UTRN: variants seen among roughly 807,000 people sequenced by gnomAD.
UTRN encodes dystrophin-related protein 1.
UTRN carries 283 observed loss-of-function variants against 463.9 expected under a neutral mutation model. The observed-to-expected ratio is 0.61, with a 90% confidence interval of 0.55 to 0.67. The LOEUF is 0.67. UTRN is among the 30% of genes least tolerant of loss of function. The pLI is 0.00. For missense variants in UTRN, 3,922 were observed against 4,084.3 expected, an observed-to-expected ratio of 0.96 and a Z score of 1.08; for synonymous variants, 1,442 against 1,431.5, an observed-to-expected ratio of 1.01 and a Z score of -0.17.
At chr6:144,613,874 G>A (rs558757515) in intron 51 of UTRN, among the ~76,000 whole-genome samples, 12 of 151,890 alleles carry the variant, frequency 7.9e-5, no homozygotes, top group South Asian at 2.1e-4. Context: ...ATATATACAC[G>A]CATTAAAATG....
At chr6:144,815,206 G>A (rs1004910003) in intron 65 of UTRN, among the ~76,000 whole-genome samples, 8 of 152,124 alleles carry the variant, frequency 5.3e-5, no homozygotes, top group Non-Finnish European at 8.8e-5. Flanking sequence ...AAAATAATAG[G>A]AAACCATTTC....
intron 53 of UTRN, among the ~76,000 whole-genome samples, chr6:144,709,493 C>T (rs1379709891): frequency 6.6e-6 from 1 of 152,128 alleles, no homozygotes; most frequent in Non-Finnish European, 1.5e-5. Context: ...TCAAGATCAA[C>T]CCTCAGATGG....
intron 1 of UTRN, among the ~76,000 whole-genome samples, chr6:144,287,461 C>A (rs1016234816): frequency 6.6e-6 from 1 of 152,154 alleles, no homozygotes. Flanking sequence ...TTTCTACTAT[C>A]TCAATCGTTC....
chr6:144,818,942 C>T (rs1030491544), intron 65 of UTRN, among the ~76,000 whole-genome samples: 9 of 151,824 alleles, frequency 5.9e-5, no homozygotes, highest in East Asian at 5.8e-4. Flanking sequence ...ACTCTCAAAC[C>T]GTCAGATCTT....
chr6:144,745,920 A>AT (rs1254772346), intron 54 of UTRN, among the ~76,000 whole-genome samples: 1 of 151,684 alleles, frequency 6.6e-6, no homozygotes, highest in Admixed American at 6.6e-5. Flanking sequence ...ACTAAGAATG[A>AT]TTTTTTTATC....
intron 71 of UTRN, 64 bp from the exon 72 acceptor site, chr6:144,839,109 G>A: frequency 7.6e-7 from 1 of 1,323,520 alleles, no homozygotes; most frequent in Non-Finnish European, 1.1e-6. Context: ...AGTTAAAAAG[G>A]AAATGTTTTT....
intron 41 of UTRN, among the ~76,000 whole-genome samples, chr6:144,525,939 C>G (rs1796535495): frequency 6.6e-6 from 1 of 152,110 alleles, no homozygotes; most frequent in African/African-American, 2.4e-5. Context: ...TCATTGATGA[C>G]CCAATGATCA....
chr6:144,285,746 A>T lies in UTRN; in HGVS notation c.-168A>T, dbSNP rs1803604298. 6.6e-6 allele frequency: 1 copy of T among 151,954 alleles called. No homozygotes were observed. Among genetic ancestry groups the T allele is most frequent in the Admixed American group, 6.6e-5 (1 of 15,260 alleles). The allele number at this position is 151,954 out of a possible 1,614,324, so 9.4% of individuals were successfully genotyped here. A position where few individuals can be genotyped will look rare whatever the true frequency, so the allele number is the denominator to read the frequency against. ...ACACCCCCGCGGTTACTCCGTGTCA[A>T]ACTCCTAGAGGAGCCCTTGGCCAGC... On this transcript the variant is annotated 5_prime_UTR_variant, in exon 1 of 75. Transcript: ENST00000367545.
At chr6:144,319,001 C>T (rs549734958) in intron 2 of UTRN, among the ~76,000 whole-genome samples, 55 of 152,200 alleles carry the variant, frequency 3.6e-4, no homozygotes, top group Non-Finnish European at 6.6e-4. Flanking sequence ...CCTTGGAGGT[C>T]GAGGCTGCAG....
intron 2 of UTRN, among the ~76,000 whole-genome samples, chr6:144,307,928 A>G (rs1389440235): frequency 2.6e-5 from 4 of 151,930 alleles, no homozygotes; most frequent in Admixed American, 1.3e-4. Flanking sequence ...GTCAAAGTGT[A>G]GACATGTTTG....
At chr6:144,595,761 T>C (rs560680925) in intron 51 of UTRN, among the ~76,000 whole-genome samples, 15 of 152,360 alleles carry the variant, frequency 9.8e-5, no homozygotes, top group African/African-American at 3.6e-4. Flanking sequence ...AGGAAGATCT[T>C]TCTTGAATTT....
chr6:144,803,209 A>T (rs1777853819), intron 65 of UTRN, 62 bp downstream of exon 65: 1 of 1,010,174 alleles, frequency 9.9e-7, no homozygotes. Context: ...AGTATCTAAA[A>T]TTTTATTATT....
intron 2 of UTRN, among the ~76,000 whole-genome samples, chr6:144,310,744 C>T (rs1053215322): frequency 6.6e-6 from 1 of 152,184 alleles, no homozygotes; most frequent in Non-Finnish European, 1.5e-5. Flanking sequence ...TGCTACTGCA[C>T]GCCAGCCTGG....
chr6:144,369,827 A>G (rs879309645), intron 2 of UTRN, among the ~76,000 whole-genome samples: 6 of 152,212 alleles, frequency 3.9e-5, no homozygotes, highest in South Asian at 2.1e-4. Flanking sequence ...CATGAGATCT[A>G]ATGGTTTTAT....
Position 144,649,570 on chromosome 6 carries a change from T to G in UTRN, c.7480-28836T>G, listed in dbSNP as rs189249255. ...GCATCACAGTTTAGTTATTTGGGGG[T>G]TGGAATATGGAGAATCATTAAAGAA... On this transcript the variant is annotated intron_variant, in intron 51 of 74. Coordinates refer to ENST00000367545, the MANE Select transcript of UTRN (RefSeq NM_007124.3). Among the ~76,000 whole-genome samples the G allele has an allele frequency of 7.3e-4, 111 of 152,144 alleles. 2 individuals carry two copies. In the East Asian group the frequency reaches 0.014, roughly 19 times the overall value.
chr6:144,625,684 T>C (rs1775871210), intron 51 of UTRN, among the ~76,000 whole-genome samples: 1 of 152,214 alleles, frequency 6.6e-6, no homozygotes, highest in Non-Finnish European at 1.5e-5. Flanking sequence ...ATTGATTTGC[T>C]CTACATATTT....
chr6:144,724,048 A>G (rs1787544341), intron 53 of UTRN, among the ~76,000 whole-genome samples: 1 of 150,800 alleles, frequency 6.6e-6, no homozygotes, highest in Admixed American at 6.6e-5. Context: ...AAAAAGAAAC[A>G]AATTACCTAG....
intron 50 of UTRN, among the ~76,000 whole-genome samples, chr6:144,566,606 A>G (rs1189984311): frequency 6.6e-6 from 1 of 152,080 alleles, no homozygotes; most frequent in African/African-American, 2.4e-5. Flanking sequence ...AACAGACCTT[A>G]AGTTGGATTT....
chr6:144,609,298 TATATC>T (rs2128641251), intron 51 of UTRN, among the ~76,000 whole-genome samples: 1 of 152,244 alleles, frequency 6.6e-6, no homozygotes, highest in African/African-American at 2.4e-5. Flanking sequence ...GAGCTATACT[TATATC>T]AGACAAAATA....
Sources: gnomAD v4.1 joint callset for allele counts (sites outside exome capture counted in the v4.1 genomes callset) on GRCh38, gnomAD v4.1.1 for gene constraint, MANE v1.5 for transcripts, NCBI Gene and HGNC (gene_info 2026-07-23, HGNC 2026-07-21) for gene names.